Variants in FRMD4B observed in about 807,000 individuals in gnomAD.
FRMD4B encodes FERM domain-containing protein 4B.
FRMD4B carries 74 observed loss-of-function variants against 141.5 expected under a neutral mutation model. The ratio of observed to expected loss-of-function variants is 0.52; its 90% CI spans 0.43 to 0.63. The LOEUF is 0.63. Among genes scored for constraint, FRMD4B ranks in the 30% least tolerant of loss-of-function variants. The probability of loss-of-function intolerance (pLI) is 0.00; values close to 1 mark genes in which losing one functional copy is unlikely to be tolerated. For synonymous variants in FRMD4B, 506 were observed against 467.9 expected (o/e 1.08, Z -1.05); for missense variants, 1,366 against 1,253.4 (o/e 1.09, Z -1.36).
chr3:69,484,721 A>C (rs1330250497), intron 1 of FRMD4B, among the ~76,000 whole-genome samples: 1 of 151,784 alleles, frequency 6.6e-6, no homozygotes, highest in African/African-American at 2.4e-5. Flanking sequence ...AGTCATCTCC[A>C]GTTATCAGCA....
intron 11 of FRMD4B, among the ~76,000 whole-genome samples, chr3:69,212,374 A>AAAAAG (rs2093092311): frequency 2.2e-5 from 2 of 89,486 alleles, no homozygotes; most frequent in Non-Finnish European, 4.3e-5. Flanking sequence ...AAAAAAAAAA[A>AAAAAG]AAAAAAGAAA....
At chr3:69,212,054 G>A (rs1184145949) in intron 11 of FRMD4B, among the ~76,000 whole-genome samples, 1 of 151,242 alleles carries the variant, frequency 6.6e-6, no homozygotes. Flanking sequence ...CGGAGAAAGA[G>A]AAGGCAAGAA....
chr3:69,416,599 A>G (rs557159663), intron 2 of FRMD4B, among the ~76,000 whole-genome samples: 1 of 152,240 alleles, frequency 6.6e-6, no homozygotes, highest in East Asian at 1.9e-4. Context: ...TTTGTTACAT[A>G]GGTATATATG....
intron 5 of FRMD4B, among the ~76,000 whole-genome samples, chr3:69,277,857 TTC>T (rs1438744979): frequency 1.5e-5 from 1 of 66,504 alleles, no homozygotes; most frequent in Non-Finnish European, 3.4e-5. Flanking sequence ...TTTTCTTTCT[TTC>T]TTTTTTTTTT....
intron 5 of FRMD4B, among the ~76,000 whole-genome samples, chr3:69,260,550 C>A (rs566688477): frequency 6.6e-6 from 1 of 152,294 alleles, no homozygotes; most frequent in East Asian, 1.9e-4. Context: ...CATGCCTGAG[C>A]CCCCCCTTGG....
intron 1 of FRMD4B, among the ~76,000 whole-genome samples, chr3:69,366,655 T>G (rs1703666136): frequency 6.6e-6 from 1 of 152,248 alleles, no homozygotes; most frequent in African/African-American, 2.4e-5. Flanking sequence ...TTAAATTTAT[T>G]AACATATGTT....
At chr3:69,332,302 T>C (rs1420856301) in intron 1 of FRMD4B, among the ~76,000 whole-genome samples, 2 of 152,150 alleles carry the variant, frequency 1.3e-5, no homozygotes, top group Non-Finnish European at 2.9e-5. Context: ...GTGCCTCAAA[T>C]TTTTGAAGTG....
At chr3:69,271,647 T>C (rs1285983054) in intron 5 of FRMD4B, among the ~76,000 whole-genome samples, 5 of 152,194 alleles carry the variant, frequency 3.3e-5, no homozygotes, top group Non-Finnish European at 7.3e-5. Context: ...ATAGGTGAAA[T>C]ATTCATTATA....
intron 1 of FRMD4B, chr3:69,353,557 T>C (rs780976829): frequency 6.1e-6 from 6 of 984,596 alleles, no homozygotes; most frequent in Non-Finnish European, 7.2e-6. Context: ...CGAACCACCA[T>C]GACCTCGGCT....
intron 17 of FRMD4B, among the ~76,000 whole-genome samples, chr3:69,191,573 A>AAG (rs2092838109): frequency 6.6e-6 from 1 of 152,118 alleles, no homozygotes; most frequent in African/African-American, 2.4e-5. Flanking sequence ...TGTAAACTTC[A>AAG]AGACCATTAT....
At chr3:69,502,023 A>G (rs1706506337) in intron 1 of FRMD4B, among the ~76,000 whole-genome samples, 1 of 152,178 alleles carries the variant, frequency 6.6e-6, no homozygotes, top group African/African-American at 2.4e-5. Context: ...CACTCAATGA[A>G]ATATAAGAAG....
chr3:69,178,504 T>G (rs2092672686), intron 21 of FRMD4B, among the ~76,000 whole-genome samples: 1 of 151,754 alleles, frequency 6.6e-6, no homozygotes, highest in South Asian at 2.1e-4. Flanking sequence ...CAGAGCCCAG[T>G]CTCTACAAAA....
At chr3:69,243,978 G>A (rs552175982) in intron 7 of FRMD4B, among the ~76,000 whole-genome samples, 131 of 152,216 alleles carry the variant, frequency 8.6e-4, no homozygotes, top group Non-Finnish European at 1.4e-3. Flanking sequence ...CCCGGGAGGC[G>A]GAGGTTGCTG....
At position 69,493,518 on chromosome 3, in the gene FRMD4B, G is replaced by T. The variant is rs563479180; in HGVS notation, c.-129+48688C>A. Among the ~76,000 whole-genome samples the T allele has an allele frequency of 2.6e-5, 4 of 152,278 alleles. No homozygotes were observed. The East Asian group carries it at 7.7e-4, about 29-fold the overall frequency. ...TTTGAAAATTCCTAGTTCCTGGAAT[G>T]GAAGGTTAGGTACAAAGTAAGGAAA... On this transcript the variant is annotated intron_variant, in intron 1 of 5. Transcript: ENST00000459638.
chr3:69,250,256 CTCAT>C, intron 5 of FRMD4B, 157 bp from the exon 6 acceptor site: 1 of 689,168 alleles, frequency 1.5e-6, no homozygotes, highest in South Asian at 1.6e-5. Flanking sequence ...TGTGGAGAGA[CTCAT>C]TGAGGGTTAA....
chr3:69,331,802 G>A (rs749900682), intron 1 of FRMD4B, among the ~76,000 whole-genome samples: 2 of 152,024 alleles, frequency 1.3e-5, no homozygotes, highest in African/African-American at 4.8e-5. Context: ...CAAACAACAA[G>A]TAATTGGCTG....
intron 4 of FRMD4B, among the ~76,000 whole-genome samples, chr3:69,293,880 CAAAAAAAAAAAA>C (rs10699871): frequency 1.3e-5 from 1 of 74,440 alleles, no homozygotes. Context: ...GATTCTGCCT[CAAAAAAAAAAAA>C]AAAAAAAAAA....
chr3:69,498,639 T>A (rs768589278), intron 1 of FRMD4B, among the ~76,000 whole-genome samples: 6 of 152,190 alleles, frequency 3.9e-5, no homozygotes, highest in Admixed American at 6.6e-5. Context: ...CCATATAACT[T>A]TCATAGCTTA....
At chr3:69,333,708 T>A (rs1233552710) in intron 1 of FRMD4B, among the ~76,000 whole-genome samples, 1 of 152,212 alleles carries the variant, frequency 6.6e-6, no homozygotes, top group East Asian at 1.9e-4. Flanking sequence ...AATACCCAAT[T>A]TCCATCAAAT....
Sources: gnomAD v4.1 joint callset for allele counts (sites outside exome capture counted in the v4.1 genomes callset) on GRCh38, gnomAD v4.1.1 for gene constraint, MANE v1.5 for transcripts, NCBI Gene and HGNC (gene_info 2026-07-23, HGNC 2026-07-21) for gene names.